DNHD1: variants seen among roughly 807,000 people sequenced by gnomAD.
DNHD1 encodes dynein heavy chain domain 1.
A neutral mutation model predicts 458.1 loss-of-function variants in DNHD1; 383 were observed. The ratio of observed to expected loss-of-function variants is 0.84; its 90% CI spans 0.77 to 0.91. DNHD1 has a LOEUF of 0.91. DNHD1 is among the 40% of genes least tolerant of loss of function. DNHD1 has a pLI of 0.00. For missense variants in DNHD1, 5,336 were observed against 5,866.1 expected, an observed-to-expected ratio of 0.91 and a Z score of 2.95; for synonymous variants, 2,203 against 2,376.9, an observed-to-expected ratio of 0.93 and a Z score of 2.13.
intron 10 of DNHD1, among the ~76,000 whole-genome samples, chr11:6,526,586 C>G (rs994160405): frequency 7.3e-6 from 1 of 136,430 alleles, no homozygotes; most frequent in Admixed American, 7.6e-5. Context: ...CTAAGTTTCA[C>G]TTTCTATTGT....
Position 6,568,696 on chromosome 11 carries a change from C to T in DNHD1, c.12693C>T (p.Phe4231=). ...TGACTCAGCACTCCATGCCTGTTTT[C>T]TGGAACCAGTCCCTGGAGCTGGGCC... ...AVLTQHSMPV[F]WNQSLELGHV... The change falls in exon 39 of 43, where the codon TTC becomes TTT. Residue 4231 remains phenylalanine (F), a synonymous_variant. Coordinates refer to ENST00000254579, the MANE Select transcript of DNHD1 (RefSeq NM_144666.3). The T allele has an allele frequency of 1.2e-6, 2 of 1,613,922 alleles. No homozygotes were observed. Among genetic ancestry groups the T allele is most frequent in the Non-Finnish European group, 8.5e-7 (1 of 1,179,822 alleles).
intron 6 of DNHD1, among the ~76,000 whole-genome samples, chr11:6,510,135 G>A (rs1852307446): frequency 1.3e-5 from 2 of 151,748 alleles, no homozygotes; most frequent in African/African-American, 4.9e-5. Flanking sequence ...CCAGGCTGGA[G>A]TACAATGGCG....
At chr11:6,535,495 G>C (rs1852927114) in intron 14 of DNHD1, among the ~76,000 whole-genome samples, 1 of 152,122 alleles carries the variant, frequency 6.6e-6, no homozygotes, top group African/African-American at 2.4e-5. Context: ...TGAACCTAAA[G>C]TGTCATTTTA....
In DNHD1 at chr11:6,519,860, G is replaced by T; in HGVS notation, c.1647+6G>T. The T allele has an allele frequency of 6.2e-7, 1 of 1,612,698 alleles. No individual in the cohort carries two copies. The highest frequency in any genetic ancestry group is 8.5e-7 in the Non-Finnish European group (1 of 1,179,924). ...TTGTGGCCAACATCCTTCAAGTGAG[G>T]TGGTGGGTGGCATGTGTGGAGGTGG... is the stretch of plus-strand genomic sequence containing the variant. On this transcript the variant is annotated splice_donor_region_variant and intron_variant, in intron 8 of 42. Transcript: ENST00000254579.
intron 14 of DNHD1, among the ~76,000 whole-genome samples, chr11:6,534,866 C>A (rs572387127): frequency 6.6e-6 from 1 of 152,324 alleles, no homozygotes; most frequent in Admixed American, 6.5e-5. Flanking sequence ...CCCATCTCAG[C>A]CTCCTGAGTA....
chr11:6,499,072 G>GATT, intron 3 of DNHD1, 111 bp downstream of exon 3: 1 of 1,275,626 alleles, frequency 7.8e-7, no homozygotes, highest in Non-Finnish European at 1.1e-6. Context: ...TTATCACAGG[G>GATT]ATTAGCCCAA....
rs768553713 is a variant in DNHD1 at position 6,563,661 on chromosome 11, C to T, written c.9853-32C>T. 29 of 1,543,130 alleles carry T rather than the reference C, an allele frequency of 1.9e-5. No homozygotes were observed. In the East Asian group the frequency reaches 4.7e-4, roughly 25 times the overall value. On this transcript the variant is annotated intron_variant, in intron 30 of 42. Transcript: ENST00000254579. ...GGGTCAAGGTCCAGAGCATCCGTGG[C>T]TTCCCCATCCCGTTAACATACATCC...
rs1214465706 is a variant in DNHD1 at position 6,528,565 on chromosome 11, C to T, written c.1881C>T (p.Pro627=). 6 of 1,551,066 alleles carry T rather than the reference C, an allele frequency of 3.9e-6. No homozygotes were observed. Among genetic ancestry groups the T allele is most frequent in the Non-Finnish European group, 5.2e-6 (6 of 1,146,438 alleles). ...EEDSKDEFLM[P]KFQGQPSDAV... Reference sequence around the variant, plus strand: ...ACTCAAAAGACGAATTTCTGATGCCCAAGTTCCAGGGCCAGCCCAGCGATG... The same window carrying T: ...ACTCAAAAGACGAATTTCTGATGCCTAAGTTCCAGGGCCAGCCCAGCGATG... The change falls in exon 11 of 43, where the codon CCC becomes CCT. Residue 627 remains proline, a synonymous_variant. Coordinates refer to ENST00000254579, the MANE Select transcript of DNHD1 (RefSeq NM_144666.3).
At chr11:6,536,114 C>T (rs1027872597) in intron 14 of DNHD1, among the ~76,000 whole-genome samples, 8 of 151,942 alleles carry the variant, frequency 5.3e-5, no homozygotes, top group Non-Finnish European at 5.9e-5. Flanking sequence ...ACCATAAAAA[C>T]ACAACATGAG....
chr11:6,523,384 G>C (rs953897778), intron 10 of DNHD1, among the ~76,000 whole-genome samples: 1 of 152,112 alleles, frequency 6.6e-6, no homozygotes, highest in Admixed American at 6.5e-5. Context: ...TAGATTTATA[G>C]ATGAGAGAGA....
chr11:6,519,605 C>G lies in DNHD1; in HGVS notation c.1398C>G (p.His466Gln), dbSNP rs369933793. The stretch of plus-strand genomic sequence containing the variant: ...TTTCCACTCTATGCTCACAGGTTCA[C>G]GAGGACACATACCACATGCAACAGT... ...NLCTSILRLV[H>Q]EDTYHMQQCL... The change falls in exon 8 of 43, where the codon CAC (histidine) becomes CAG (glutamine). Residue 466 changes from histidine (H) to glutamine (Q), a missense_variant. Physicochemically the swap from His to Gln is conservative, Grantham distance 24. This residue lies in a region of DNHD1 where 3,932 missense variants were observed against 4,365.6 expected (regional missense o/e 0.90). Transcript: ENST00000254579. The G allele has an allele frequency of 5.0e-6, 8 of 1,614,050 alleles. No homozygotes were observed. In the African/African-American group the frequency reaches 8.0e-5, roughly 16 times the overall value.
At position 6,545,776 on chromosome 11, in the gene DNHD1, C is replaced by CT; in HGVS notation, c.4837_4838insT (p.His1613LeufsTer12). The CT allele has an allele frequency of 1.9e-6, 3 of 1,551,772 alleles. No homozygotes were observed. ...ACTCAAGTATCACTTGGGTTCACCTCACATAATCCCCAAAAGCCCCCTACA... is the reference window on the plus strand; with the variant it reads ...ACTCAAGTATCACTTGGGTTCACCTCTACATAATCCCCAAAAGCCCCCTACA... On this transcript the variant is annotated frameshift_variant, in exon 21 of 43. Coordinates refer to ENST00000254579, the MANE Select transcript of DNHD1 (RefSeq NM_144666.3). This position sits in a 1 kb window ranked among gnomAD's most constrained non-coding sequence, Gnocchi z 4.9.
In DNHD1 at chr11:6,546,770, C is replaced by T. The variant is rs752888260; in HGVS notation, c.5831C>T (p.Ala1944Val). 1 of 1,551,792 alleles carries T rather than the reference C, an allele frequency of 6.4e-7. No homozygotes were observed. Among genetic ancestry groups the T allele is most frequent in the South Asian group, 1.2e-5 (1 of 84,064 alleles). ...TTCCCTAGCGCCAGCCAAGTGCTGGCAGAACCTATGACTTACAAGCTGATG... is the reference window on the plus strand; with the variant it reads ...TTCCCTAGCGCCAGCCAAGTGCTGGTAGAACCTATGACTTACAAGCTGATG... ...ALFPSASQVL[A>V]EPMTYKLMKP... Residue 1944 changes from alanine to valine, a missense_variant, in exon 21 of 43, where the codon GCA becomes GTA. By Grantham distance (64) the Ala-to-Val change is moderately conservative (BLOSUM62 0). Transcript: ENST00000254579.
rs534034133 is a variant in DNHD1 at position 6,508,958 on chromosome 11, T to C, written c.999T>C (p.His333=). The part of the protein sequence containing the change: ...HYIFSPFGIL[H]VHPVEGSETM... Reference sequence around the variant, plus strand: ...TCTTCTCTCCCTTTGGGATCTTGCATGTACATCCTGTGGAAGGTAGCGAGA... The same window carrying C: ...TCTTCTCTCCCTTTGGGATCTTGCACGTACATCCTGTGGAAGGTAGCGAGA... The change falls in exon 5 of 43, where the codon CAT becomes CAC. Residue 333 remains histidine (H), a synonymous_variant. Coordinates refer to ENST00000254579, the MANE Select transcript of DNHD1 (RefSeq NM_144666.3). 1.9e-6 allele frequency: 3 copies of C among 1,614,238 alleles called. No homozygotes were observed. The highest frequency in any genetic ancestry group is 1.1e-5 in the South Asian group (1 of 91,090).
Position 6,557,257 on chromosome 11 carries a change from C to T in DNHD1, c.7962C>T (p.Thr2654=). The T allele has an allele frequency of 6.4e-7, 1 of 1,551,596 alleles. No individual in the cohort carries two copies. The highest frequency in any genetic ancestry group is 8.7e-7 in the Non-Finnish European group (1 of 1,146,992). Residue 2654 remains threonine, a synonymous_variant, in exon 25 of 43, where the codon ACC becomes ACT. Coordinates refer to ENST00000254579, the MANE Select transcript of DNHD1 (RefSeq NM_144666.3). ...TTTGGTTGCATGAGGCACAGAGAAC[C>T]TTTTGCGACCGGCTGGACAGCCCCA... ...VRLWLHEAQR[T]FCDRLDSPRE... is the part of the protein sequence containing the mutation.
chr11:6,516,930 T>C (rs567230923), intron 7 of DNHD1, among the ~76,000 whole-genome samples: 1 of 152,192 alleles, frequency 6.6e-6, no homozygotes, highest in Non-Finnish European at 1.5e-5. Context: ...TTATGAACAT[T>C]CTTGTTTTAT....
intron 12 of DNHD1, among the ~76,000 whole-genome samples, chr11:6,532,486 G>C (rs760273367): frequency 6.6e-6 from 1 of 152,184 alleles, no homozygotes; most frequent in Non-Finnish European, 1.5e-5. Flanking sequence ...CCTTCTTCTA[G>C]AGCAAGGGCA....
chr11:6,545,005 T>C lies in DNHD1; in HGVS notation c.4066T>C (p.Phe1356Leu), dbSNP rs1380000856. 3.2e-6 allele frequency: 5 copies of C among 1,551,636 alleles called. No individual in the cohort carries two copies. The highest frequency in any genetic ancestry group is 1.7e-4 in the Middle Eastern group (1 of 6,014). ...ESVLYGVCAH[F>L]PRLFFLSDSE... ...CGTGCTCTATGGGGTGTGTGCTCAC[T>C]TCCCCCGCCTCTTCTTCCTTAGTGA... The change falls in exon 21 of 43, where the codon TTC becomes CTC. Residue 1356 changes from phenylalanine (F) to leucine (L), a missense_variant. By Grantham distance (22) the Phe-to-Leu change is conservative (BLOSUM62 0). Around this residue, in one of 4 missense-constraint regions of DNHD1, gnomAD observed 3,932 missense variants for 4,365.6 expected, o/e 0.90. Transcript: ENST00000254579. This position sits in a 1 kb window ranked among gnomAD's most constrained non-coding sequence, Gnocchi z 4.9.
intron 28 of DNHD1, among the ~76,000 whole-genome samples, chr11:6,560,442 G>C (rs1197864465): frequency 6.6e-6 from 1 of 152,200 alleles, no homozygotes; most frequent in African/African-American, 2.4e-5. Flanking sequence ...GAACAGCTTA[G>C]ATTAGACCTC....
Sources: gnomAD v4.1 joint callset for allele counts (sites outside exome capture counted in the v4.1 genomes callset) on GRCh38, gnomAD v4.1.1 for gene constraint, gnomAD v4.1.1 regional missense constraint, Gnocchi (gnomAD v3.1) non-coding constraint, MANE v1.5 for transcripts, NCBI Gene and HGNC (gene_info 2026-07-23, HGNC 2026-07-21) for gene names.